Variants in AGBL1 observed in about 807,000 individuals in gnomAD.
The protein encoded by AGBL1 is AGBL carboxypeptidase 1.
In AGBL1, 130 loss-of-function variants were observed where a neutral mutation model predicts 118.9. The ratio of observed to expected loss-of-function variants is 1.09; its 90% confidence interval spans 0.95 to 1.26. AGBL1 has a LOEUF of 1.26. Ranked by LOEUF, AGBL1 falls within the 50% of genes most tolerant of loss-of-function variation. The probability of loss-of-function intolerance (pLI) is 0.00; values close to 1 mark genes in which losing one functional copy is unlikely to be tolerated. For missense variants in AGBL1, 1,584 were observed against 1,298.1 expected, an observed-to-expected ratio of 1.22 and a Z score of -3.38; for synonymous variants, 555 against 478.9, an observed-to-expected ratio of 1.16 and a Z score of -2.08.
intron 22 of AGBL1, among the ~76,000 whole-genome samples, chr15:86,716,859 G>A (rs2086646649): frequency 6.6e-6 from 1 of 152,168 alleles, no homozygotes; most frequent in African/African-American, 2.4e-5. Flanking sequence ...CAGGTTCTAG[G>A]GTTGACTCTA....
At position 86,747,239 on chromosome 15, in the gene AGBL1, G is replaced by T. The variant is rs535707694; in HGVS notation, c.3158+72803G>T. The stretch of plus-strand genomic sequence containing the variant: ...AGAGTATTTTCCTGCCTCAAATAAT[G>T]CTTATTAAGGAGTTTGTAAAAATAT... On this transcript the variant is annotated intron_variant, in intron 22 of 22. Transcript: ENST00000614907. Among the ~76,000 whole-genome samples, 23 of 152,092 alleles carry T rather than the reference G, an allele frequency of 1.5e-4. No homozygotes were observed. The Middle Eastern group carries it at 0.01, about 67-fold the overall frequency.
chr15:86,387,275 G>A (rs975810508), intron 17 of AGBL1, among the ~76,000 whole-genome samples: 1 of 152,138 alleles, frequency 6.6e-6, no homozygotes, highest in African/African-American at 2.4e-5. Flanking sequence ...GTGTGTTTTG[G>A]GAATAGTAAA....
intron 1 of AGBL1, among the ~76,000 whole-genome samples, chr15:86,084,316 T>C (rs1895489875): frequency 6.6e-6 from 1 of 152,326 alleles, no homozygotes; most frequent in Admixed American, 6.5e-5. Flanking sequence ...CTTACATTTC[T>C]TGGAATTAGA....
At chr15:86,700,231 T>C (rs1352125669) in intron 22 of AGBL1, among the ~76,000 whole-genome samples, 1 of 152,052 alleles carries the variant, frequency 6.6e-6, no homozygotes, top group African/African-American at 2.4e-5. Flanking sequence ...CAAATTCTCC[T>C]AAATGTTGAT....
chr15:86,924,123 A>G (rs954701260), intron 23 of AGBL1, among the ~76,000 whole-genome samples: 2 of 152,264 alleles, frequency 1.3e-5, no homozygotes, highest in African/African-American at 4.8e-5. Flanking sequence ...ATGCATATTC[A>G]CAGATGCACA....
In AGBL1 at chr15:86,833,910, C is replaced by G. The variant is rs2079139134; in HGVS notation, c.3159-73177C>G. Among the ~76,000 whole-genome samples, 4 of 152,142 alleles carry G rather than the reference C, an allele frequency of 2.6e-5. No homozygotes were observed. In the South Asian group the frequency reaches 8.3e-4, roughly 31 times the overall value. On this transcript the variant is annotated intron_variant, in intron 22 of 22. Transcript: ENST00000614907. The stretch of plus-strand genomic sequence containing the variant: ...TGTTTTTCACCCTTGAAAACTCAGC[C>G]TCTTCCTAATTAAAGACCCTCAGTT...
chr15:86,766,580 A>T (rs1457078436), intron 22 of AGBL1, among the ~76,000 whole-genome samples: 1 of 151,880 alleles, frequency 6.6e-6, no homozygotes, highest in Non-Finnish European at 1.5e-5. Flanking sequence ...TTTTTTTTCT[A>T]TTATAAGGGA....
chr15:86,808,074 C>G (rs1355993322), intron 22 of AGBL1, among the ~76,000 whole-genome samples: 1 of 152,104 alleles, frequency 6.6e-6, no homozygotes, highest in Non-Finnish European at 1.5e-5. Context: ...GAAAATTACT[C>G]CATAGGAGCA....
At chr15:86,258,104 T>C (rs2078926082) in intron 9 of AGBL1, 73 bp downstream of exon 9, 1 of 1,493,598 alleles carries the variant, frequency 6.7e-7, no homozygotes, top group African/African-American at 1.4e-5. Flanking sequence ...ACTTCCTGTG[T>C]TTGCCCAAGC....
chr15:86,115,594 C>A (rs1897703307), intron 1 of AGBL1, among the ~76,000 whole-genome samples: 1 of 152,180 alleles, frequency 6.6e-6, no homozygotes, highest in South Asian at 2.1e-4. Context: ...ACCGCTTAGT[C>A]ACCTTCCAAC....
At chr15:86,686,907 C>T (rs2086067848) in intron 22 of AGBL1, among the ~76,000 whole-genome samples, 1 of 152,150 alleles carries the variant, frequency 6.6e-6, no homozygotes, top group African/African-American at 2.4e-5. Flanking sequence ...TAAGCCCACA[C>T]AGCTAGTAAG....
intron 1 of AGBL1, among the ~76,000 whole-genome samples, chr15:86,115,746 G>A (rs561479239): frequency 6.6e-6 from 1 of 152,014 alleles, no homozygotes; most frequent in African/African-American, 2.4e-5. Context: ...ACTTTCCTAG[G>A]GCATCTTCCT....
intron 17 of AGBL1, among the ~76,000 whole-genome samples, chr15:86,356,335 CGTGT>C (rs55955604): frequency 6.7e-5 from 10 of 150,166 alleles, no homozygotes; most frequent in East Asian, 2.0e-4. Flanking sequence ...CGAAGATAGA[CGTGT>C]GTGTGTGTGT....
At chr15:86,183,970 C>T (rs111757983) in intron 5 of AGBL1, among the ~76,000 whole-genome samples, 13 of 152,326 alleles carry the variant, frequency 8.5e-5, no homozygotes, top group South Asian at 4.2e-4. Flanking sequence ...TCAGCACACT[C>T]GTGCCTGCCT....
At position 86,197,538 on chromosome 15, in the gene AGBL1, G is replaced by A. The variant is rs146587053; in HGVS notation, c.489-27376G>A. 5.2e-3 allele frequency among the ~76,000 whole-genome samples: 786 copies of A among 152,298 alleles called. 4 individuals are homozygous for A. Among genetic ancestry groups the A allele is most frequent in the African/African-American group, 0.012 (486 of 41,582 alleles). On this transcript the variant is annotated intron_variant, in intron 5 of 22. Transcript: ENST00000614907. ...CTAAAATTGGATAATTACCTGAGGC[G>A]ATTTCTAAGCAAAATGTTGAAGATG...
At chr15:87,008,349 G>T (rs1466295600) in intron 24 of AGBL1, among the ~76,000 whole-genome samples, 2 of 152,178 alleles carry the variant, frequency 1.3e-5, no homozygotes, top group Non-Finnish European at 2.9e-5. Flanking sequence ...ATAAGAAGGA[G>T]TTTCCCTGCA....
intron 16 of AGBL1, among the ~76,000 whole-genome samples, chr15:86,285,017 G>T (rs2079419368): frequency 6.6e-6 from 1 of 152,098 alleles, no homozygotes; most frequent in Admixed American, 6.6e-5. Flanking sequence ...ATTACAGTCA[G>T]TTGGCACATG....
intron 23 of AGBL1, among the ~76,000 whole-genome samples, chr15:86,930,572 C>T (rs576739331): frequency 6.6e-6 from 1 of 152,136 alleles, no homozygotes; most frequent in Admixed American, 6.5e-5. Context: ...TTGTAGATAG[C>T]TCCCTTAAAA....
intron 19 of AGBL1, among the ~76,000 whole-genome samples, chr15:86,535,185 G>A (rs1212150658): frequency 6.6e-6 from 1 of 152,190 alleles, no homozygotes; most frequent in East Asian, 1.9e-4. Context: ...GTAGAAGAAG[G>A]TCTGTTTAGA....
Sources: gnomAD v4.1 joint callset for allele counts (sites outside exome capture counted in the v4.1 genomes callset) on GRCh38, gnomAD v4.1.1 for gene constraint, MANE v1.5 for transcripts, NCBI Gene and HGNC (gene_info 2026-07-23, HGNC 2026-07-21) for gene names.